HSPA14: variants seen among roughly 807,000 people sequenced by gnomAD.
The protein encoded by HSPA14 is heat shock protein family A (Hsp70) member 14.
HSPA14 carries 37 observed loss-of-function variants against 65.5 expected under a neutral mutation model. The observed-to-expected ratio is 0.56, with a 90% confidence interval of 0.43 to 0.74. The LOEUF (loss-of-function observed/expected upper bound fraction) is 0.74. Ranked by LOEUF, HSPA14 falls within the 30% of genes least tolerant of loss-of-function variation. The pLI is 0.00. For missense variants in HSPA14, 564 were observed against 607.6 expected, an observed-to-expected ratio of 0.93 and a Z score of 0.75; for synonymous variants, 203 against 214.2, an observed-to-expected ratio of 0.95 and a Z score of 0.46.
intron 10 of HSPA14, among the ~76,000 whole-genome samples, chr10:14,859,253 G>A (rs917317257): frequency 1.2e-4 from 18 of 152,128 alleles, no homozygotes; most frequent in African/African-American, 4.3e-4. Flanking sequence ...GAAGCTGGGG[G>A]TGGGGGCAGG....
At chr10:14,861,305 ACTCTGTC>A in intron 10 of HSPA14, among the ~76,000 whole-genome samples, 1 of 151,988 alleles carries the variant, frequency 6.6e-6, no homozygotes, top group Non-Finnish European at 1.5e-5. Flanking sequence ...TTTGTTTGAG[ACTCTGTC>A]CAAAAACAAA....
intron 3 of HSPA14, chr10:14,844,411 T>C (rs910649317): frequency 1.0e-6 from 1 of 994,656 alleles, no homozygotes; most frequent in African/African-American, 1.7e-5. Flanking sequence ...CTTGAATCTT[T>C]CCTTTGCTGG....
chr10:14,865,060 C>T (rs1832793384), intron 10 of HSPA14, among the ~76,000 whole-genome samples: 1 of 152,202 alleles, frequency 6.6e-6, no homozygotes, highest in African/African-American at 2.4e-5. Flanking sequence ...ATTTGCATTT[C>T]TCTGATGGCC....
chr10:14,866,774 A>G (rs1200458205), intron 10 of HSPA14, among the ~76,000 whole-genome samples: 4 of 152,276 alleles, frequency 2.6e-5, no homozygotes, highest in African/African-American at 9.6e-5. Flanking sequence ...TCAAGTGACT[A>G]TTTGTGGTTA....
intron 10 of HSPA14, among the ~76,000 whole-genome samples, chr10:14,858,793 C>A (rs1451713453): frequency 1.3e-5 from 2 of 152,114 alleles, no homozygotes; most frequent in African/African-American, 4.8e-5. Context: ...AGGAAGTAGG[C>A]GCTTCTATCT....
intron 3 of HSPA14, chr10:14,843,633 A>T: frequency 6.4e-7 from 1 of 1,550,432 alleles, no homozygotes; most frequent in Non-Finnish European, 8.7e-7. Context: ...GAAGGCGGTC[A>T]GTGGCCAGGA....
intron 3 of HSPA14, chr10:14,844,153 T>A: frequency 7.7e-7 from 1 of 1,302,294 alleles, no homozygotes; most frequent in Non-Finnish European, 9.8e-7. Context: ...CCTAGCTTTG[T>A]CACAGATGTG....
chr10:14,868,295 C>T (rs1832824451), intron 12 of HSPA14, among the ~76,000 whole-genome samples: 1 of 152,096 alleles, frequency 6.6e-6, no homozygotes, highest in Non-Finnish European at 1.5e-5. Flanking sequence ...CTTGGTCAAG[C>T]TAGGGTTTCT....
intron 3 of HSPA14, chr10:14,846,764 G>C: frequency 1.0e-6 from 1 of 985,452 alleles, no homozygotes; most frequent in South Asian, 4.7e-5. Context: ...AGACTCTGGA[G>C]CACATTAGTG....
intron 3 of HSPA14, chr10:14,847,144 C>G (rs1271919780): frequency 2.1e-6 from 1 of 470,326 alleles, no homozygotes; most frequent in East Asian, 1.5e-4. Context: ...AGGAGAGCGG[C>G]CCTCTTTATA....
intron 10 of HSPA14, among the ~76,000 whole-genome samples, chr10:14,856,651 C>T (rs1832699543): frequency 2.0e-5 from 3 of 152,044 alleles, no homozygotes; most frequent in South Asian, 4.2e-4. Flanking sequence ...TGCTTGAGCC[C>T]AGGAGTAGAA....
rs1199261495 is a variant in HSPA14, at chr10:14,867,313, A to G, written c.1206+18A>G. 6 of 1,531,912 alleles carry G rather than the reference A, an allele frequency of 3.9e-6. No homozygotes were observed. The highest frequency in any genetic ancestry group is 3.3e-5 in the Admixed American group (2 of 59,788). The allele number at this position is 1,531,912 out of a possible 1,614,324, so 94.9% of individuals were successfully genotyped here. On this transcript the variant is annotated intron_variant, in intron 11 of 13. Transcript: ENST00000378372. ...TAGTTAAGGTATGTTTAGCTTTTGT[A>G]TACTAGTTAAGGTATGTTTAGCTTT...
In HSPA14 at chr10:14,842,877, C is replaced by G. The variant is rs1354898506; in HGVS notation, c.221+2720C>G. 7.0e-7 allele frequency: 1 copy of G among 1,421,508 alleles called. No individual in the cohort carries two copies. Among genetic ancestry groups the G allele is most frequent in the Non-Finnish European group, 9.4e-7 (1 of 1,059,858 alleles). 88.1% of individuals were successfully genotyped at this position (1,421,508 alleles called of 1,614,324 possible). Reference sequence around the variant, plus strand: ...TCCCAAGCATGTGAAGGAGTTGGGTCCCAGAGTCTTGTGGCTCTAAACATT... The same window carrying G: ...TCCCAAGCATGTGAAGGAGTTGGGTGCCAGAGTCTTGTGGCTCTAAACATT... On this transcript the variant is annotated intron_variant, in intron 3 of 13. Coordinates refer to ENST00000378372, the MANE Select transcript of HSPA14 (RefSeq NM_016299.4). The surrounding 1 kb of genome is among the most constrained non-coding windows in gnomAD (Gnocchi z 5.2).
At chr10:14,848,723 G>A in intron 4 of HSPA14, 66 bp downstream of exon 4, 2 of 1,464,246 alleles carry the variant, frequency 1.4e-6, no homozygotes, top group South Asian at 2.4e-5. Context: ...AACATGGAAT[G>A]TTGATTTGAA....
intron 5 of HSPA14, chr10:14,849,344 AATG>A: frequency 2.1e-6 from 1 of 476,530 alleles, no homozygotes. Flanking sequence ...TCAGCCCTGT[AATG>A]ATGTTAAGAA....
chr10:14,843,897 A>T, intron 3 of HSPA14: 1 of 1,536,236 alleles, frequency 6.5e-7, no homozygotes, highest in Non-Finnish European at 8.7e-7. Context: ...AAAGCTAGGA[A>T]CCAATTACAA....
intron 13 of HSPA14, 120 bp from the exon 14 acceptor site, chr10:14,871,406 ACC>A: frequency 3.1e-6 from 2 of 637,722 alleles, no homozygotes; most frequent in Non-Finnish European, 5.6e-6. Context: ...TTACATTAAT[ACC>A]CTTCTTTTGA....
intron 10 of HSPA14, among the ~76,000 whole-genome samples, chr10:14,862,376 CTTTT>C (rs753404160): frequency 7.8e-6 from 1 of 128,644 alleles, no homozygotes. Context: ...CTTTTCTTTT[CTTTT>C]TTTTTTTTTT....
In HSPA14 at chr10:14,848,595, T is replaced by C; in HGVS notation, c.222-14T>C. On this transcript the variant is annotated splice_polypyrimidine_tract_variant and intron_variant, in intron 3 of 13. Transcript: ENST00000378372. ...TTTTAATACTTAGCTATCTTTATCT[T>C]TCTTTATGGACAGCTCCAGTGATCC... The C allele has an allele frequency of 3.1e-6, 5 of 1,600,132 alleles. No individual in the cohort carries two copies. Among genetic ancestry groups the C allele is most frequent in the Non-Finnish European group, 4.3e-6 (5 of 1,168,828 alleles).
Sources: gnomAD v4.1 joint callset for allele counts (sites outside exome capture counted in the v4.1 genomes callset) on GRCh38, gnomAD v4.1.1 for gene constraint, Gnocchi (gnomAD v3.1) non-coding constraint, MANE v1.5 for transcripts, NCBI Gene and HGNC (gene_info 2026-07-23, HGNC 2026-07-21) for gene names.